FAM227A: variants seen among roughly 807,000 people sequenced by gnomAD.
FAM227A encodes the protein family with sequence similarity 227 member A, also known as protein FAM227A.
A neutral mutation model predicts 74.7 loss-of-function variants in FAM227A; 80 were observed. The observed-to-expected ratio is 1.07, with a 90% CI of 0.89 to 1.29. The LOEUF is 1.29. Ranked by LOEUF, FAM227A falls within the 50% of genes most tolerant of loss-of-function variation. The probability of loss-of-function intolerance (pLI) is 0.00; values close to 1 mark genes in which losing one functional copy is unlikely to be tolerated. For synonymous variants in FAM227A, 237 were observed against 241.8 expected, an observed-to-expected ratio of 0.98 and a Z score of 0.19; for missense variants, 654 against 683.4, an observed-to-expected ratio of 0.96 and a Z score of 0.48.
At chr22:38,598,470 C>G (rs2091098302) in intron 14 of FAM227A, among the ~76,000 whole-genome samples, 1 of 152,126 alleles carries the variant, frequency 6.6e-6, no homozygotes, top group Non-Finnish European at 1.5e-5. Flanking sequence ...CTTTAGAGAA[C>G]AATGAAGTGA....
Position 38,605,347 on chromosome 22 carries a change from C to T in FAM227A, c.1128G>A (p.Glu376=). ...KSLRMQNTAK[E]HHCQTLVLKK... ...TCAAGACCAGGGTCTGACAATGATG[C>T]TCTGTCAATGTGACATTAGCAAGAA... The change falls in exon 13 of 17, where the codon GAG becomes GAA. Residue 376 remains glutamate, a splice_region_variant and synonymous_variant. Transcript: ENST00000535113. The T allele has an allele frequency of 6.5e-7, 1 of 1,533,652 alleles. No individual in the cohort carries two copies. The highest frequency in any genetic ancestry group is 2.4e-5 in the East Asian group (1 of 40,830).
Position 38,636,557 on chromosome 22 carries a change from T to C in FAM227A, c.413A>G (p.Tyr138Cys). ...TGGCTTGGAGCTGTTGAAGTTGGAATACTGGTACAGCTCTGCCAGCAGATT... is the reference window on the plus strand; with the variant it reads ...TGGCTTGGAGCTGTTGAAGTTGGAACACTGGTACAGCTCTGCCAGCAGATT... ...DKNLLAELYQ[Y>C]SNFNSSKPNK... Residue 138 changes from tyrosine to cysteine, a missense_variant, in exon 6 of 17, where the codon TAT becomes TGT. By Grantham distance (194) the Tyr-to-Cys change is radical. Transcript: ENST00000535113. 1.3e-6 allele frequency: 2 copies of C among 1,551,720 alleles called. No individual in the cohort carries two copies. Among genetic ancestry groups the C allele is most frequent in the Non-Finnish European group, 1.7e-6 (2 of 1,146,986 alleles).
chr22:38,606,172 CTTTTA>C (rs915963510), intron 12 of FAM227A, among the ~76,000 whole-genome samples: 3 of 152,014 alleles, frequency 2.0e-5, no homozygotes, highest in Non-Finnish European at 2.9e-5. Flanking sequence ...CAATTCTAAA[CTTTTA>C]TTTTTTTTTG....
At chr22:38,645,504 G>T in intron 3 of FAM227A, 59 bp downstream of exon 3, 1 of 1,157,946 alleles carries the variant, frequency 8.6e-7, no homozygotes, top group Non-Finnish European at 1.3e-6. Flanking sequence ...ACACCTTGAT[G>T]ATCCCCGGGG....
chr22:38,647,686 T>C (rs1278687039), intron 2 of FAM227A, among the ~76,000 whole-genome samples: 2 of 152,128 alleles, frequency 1.3e-5, no homozygotes, highest in African/African-American at 2.4e-5. Flanking sequence ...TTAGCCTCAA[T>C]TGATCTAGGA....
intron 1 of FAM227A, among the ~76,000 whole-genome samples, 167 bp from the exon 2 acceptor site, chr22:38,650,429 A>G (rs2092307192): frequency 6.6e-6 from 1 of 152,144 alleles, no homozygotes; most frequent in Non-Finnish European, 1.5e-5. Flanking sequence ...ATTTCAAGGT[A>G]TATGGACTTG....
chr22:38,642,649 A>C (rs774508254), intron 3 of FAM227A, among the ~76,000 whole-genome samples: 20 of 152,214 alleles, frequency 1.3e-4, no homozygotes, highest in Non-Finnish European at 2.6e-4. Context: ...CAAAATATTC[A>C]AAGAGGCCGG....
At chr22:38,645,141 T>C (rs113447696) in intron 3 of FAM227A, among the ~76,000 whole-genome samples, 10 of 151,800 alleles carry the variant, frequency 6.6e-5, no homozygotes, top group Non-Finnish European at 1.0e-4. Flanking sequence ...CCTGTAATCC[T>C]AGCACTTTGG....
At chr22:38,615,626 G>A (rs766718128) in intron 11 of FAM227A, among the ~76,000 whole-genome samples, 3 of 152,242 alleles carry the variant, frequency 2.0e-5, no homozygotes, top group African/African-American at 4.8e-5. Flanking sequence ...GGTGCTGTGG[G>A]AGGGCATGGG....
intron 6 of FAM227A, among the ~76,000 whole-genome samples, chr22:38,629,895 C>T (rs1353460677): frequency 8.4e-6 from 1 of 119,276 alleles, no homozygotes; most frequent in Non-Finnish European, 1.7e-5. Flanking sequence ...GGTGCCTCTC[C>T]TTTACCATCA....
chr22:38,587,875 G>C (rs2090842831), intron 16 of FAM227A, among the ~76,000 whole-genome samples: 1 of 152,184 alleles, frequency 6.6e-6, no homozygotes. Context: ...GAACAAGTGG[G>C]ATTTATCCCA....
At chr22:38,620,476 T>A (rs1383449129) in intron 10 of FAM227A, among the ~76,000 whole-genome samples, 185 bp from the exon 11 acceptor site, 1 of 152,094 alleles carries the variant, frequency 6.6e-6, no homozygotes, top group Non-Finnish European at 1.5e-5. Context: ...GAACACTATC[T>A]CCCTCTAGGG....
In FAM227A at chr22:38,617,267, T is replaced by C. The variant is rs138133775; in HGVS notation, c.1038+2945A>G. The stretch of plus-strand genomic sequence containing the variant: ...AATAACTTGCCTAAGGCCACACAGA[T>C]GGAATCTGAACCTGTGAGAACAGAC... On this transcript the variant is annotated intron_variant, in intron 11 of 16. Coordinates refer to ENST00000535113, the MANE Select transcript of FAM227A (RefSeq NM_001013647.2). Among the ~76,000 whole-genome samples the C allele has an allele frequency of 5.6e-3, 836 of 150,204 alleles. 4 individuals are homozygous for C. Among genetic ancestry groups the C allele is most frequent in the Non-Finnish European group, 9.4e-3 (636 of 67,696 alleles).
chr22:38,643,896 C>T (rs1386926819), intron 3 of FAM227A, among the ~76,000 whole-genome samples: 1 of 152,108 alleles, frequency 6.6e-6, no homozygotes, highest in Non-Finnish European at 1.5e-5. Flanking sequence ...GCCTGTAATC[C>T]CAGCACTTTC....
At chr22:38,641,184 G>T (rs1253881558) in intron 3 of FAM227A, among the ~76,000 whole-genome samples, 3 of 152,100 alleles carry the variant, frequency 2.0e-5, no homozygotes, top group African/African-American at 7.2e-5. Flanking sequence ...AAGATGGTAA[G>T]ACCAGCACTG....
At chr22:38,597,112 C>A (rs891339703) in intron 15 of FAM227A, 92 bp downstream of exon 15, 22 of 1,265,670 alleles carry the variant, frequency 1.7e-5, no homozygotes, top group Non-Finnish European at 2.2e-5. Context: ...AGGAAACCCC[C>A]CTGCCCCACC....
At chr22:38,635,798 G>A (rs2091991798) in intron 6 of FAM227A, among the ~76,000 whole-genome samples, 1 of 152,108 alleles carries the variant, frequency 6.6e-6, no homozygotes, top group Admixed American at 6.6e-5. Flanking sequence ...CCTGGAGTTG[G>A]AGAATAGCCT....
At chr22:38,635,854 A>C (rs1603034415) in intron 6 of FAM227A, among the ~76,000 whole-genome samples, 1 of 151,966 alleles carries the variant, frequency 6.6e-6, no homozygotes, top group Non-Finnish European at 1.5e-5. Context: ...TTTTTTTAAA[A>C]ACTAGCCAGT....
At chr22:38,647,974 G>A (rs1981081077) in intron 2 of FAM227A, among the ~76,000 whole-genome samples, 1 of 152,224 alleles carries the variant, frequency 6.6e-6, no homozygotes. Context: ...CTTAAGAAGG[G>A]CTTCTGAGAG....
Sources: allele counts gnomAD v4.1 joint callset (sites outside exome capture counted in the v4.1 genomes callset), GRCh38; gene constraint gnomAD v4.1.1; transcripts MANE v1.5; gene names NCBI Gene and HGNC (gene_info 2026-07-23, HGNC 2026-07-21).